The following CIMAP1D variants were observed in gnomAD, a reference collection of about 807,000 sequenced individuals.
The protein encoded by CIMAP1D is protein CIMAP1D.
the CIMAP1D span, among the ~76,000 whole-genome samples, chr19:483,797 ACT>A: frequency 6.6e-6 from 1 of 152,084 alleles, no homozygotes; most frequent in African/African-American, 2.4e-5. Flanking sequence ...TGGGATCAAC[ACT>A]GTGTCCCCAG....
chr19:463,766 T>C, the CIMAP1D span: 1 of 1,527,126 alleles, frequency 6.5e-7, no homozygotes, highest in African/African-American at 1.4e-5. Flanking sequence ...CCTCTCGCCT[T>C]CTAGCCCCTC....
the CIMAP1D span, among the ~76,000 whole-genome samples, chr19:488,596 G>C: frequency 6.6e-6 from 1 of 152,174 alleles, no homozygotes; most frequent in South Asian, 2.1e-4. Context: ...TGACGTCCGG[G>C]TACCCCCAAC....
At chr19:473,102 G>A in the CIMAP1D span, among the ~76,000 whole-genome samples, 3 of 125,568 alleles carry the variant, frequency 2.4e-5, no homozygotes, top group Admixed American at 9.1e-5. Flanking sequence ...AGAGATACAC[G>A]GTCACAGATC....
At chr19:481,288 A>T in the CIMAP1D span, among the ~76,000 whole-genome samples, 326 of 138,818 alleles carry the variant, frequency 2.3e-3, no homozygotes, top group Admixed American at 3.7e-3. Flanking sequence ...GTATGATGGG[A>T]AGGATGATGG....
chr19:485,194 GT>G, the CIMAP1D span, among the ~76,000 whole-genome samples: 4 of 152,140 alleles, frequency 2.6e-5, no homozygotes, highest in African/African-American at 9.7e-5. Flanking sequence ...GCTCTACCAC[GT>G]AACACACGTA....
the CIMAP1D span, chr19:464,172 G>A: frequency 6.6e-7 from 1 of 1,507,300 alleles, no homozygotes; most frequent in Non-Finnish European, 8.9e-7. Context: ...CGTGTAGCTG[G>A]GGCTGCTGGG....
chr19:483,130 C>T, the CIMAP1D span, among the ~76,000 whole-genome samples: 7 of 152,146 alleles, frequency 4.6e-5, no homozygotes, highest in African/African-American at 1.7e-4. Flanking sequence ...CAGCAAATGG[C>T]ACCTCCAGAC....
At chr19:488,173 G>A in the CIMAP1D span, among the ~76,000 whole-genome samples, 1 of 152,006 alleles carries the variant, frequency 6.6e-6, no homozygotes, top group African/African-American at 2.4e-5. Context: ...TCTCTAACTG[G>A]GTGTCTGAGG....
At chr19:489,058 G>A in the CIMAP1D span, 5,835 of 152,200 alleles carry the variant, frequency 0.038, 264 homozygotes, top group East Asian at 0.22. Flanking sequence ...CACACGCCCC[G>A]GCGCCCCGCG....
the CIMAP1D span, chr19:489,908 C>G: frequency 1.3e-5 from 5 of 394,508 alleles, no homozygotes; most frequent in Non-Finnish European, 4.5e-6. Flanking sequence ...CTGCCTGAAC[C>G]CCGACCCAGG....
chr19:474,926 T>C, the CIMAP1D span: 1 of 489,052 alleles, frequency 2.0e-6, no homozygotes, highest in Non-Finnish European at 3.4e-6. Flanking sequence ...CGTGGGGCCC[T>C]GGCCCAAGGC....
chr19:488,974 C>T, the CIMAP1D span, among the ~76,000 whole-genome samples: 1 of 152,062 alleles, frequency 6.6e-6, no homozygotes, highest in Non-Finnish European at 1.5e-5. Context: ...CCGCCCCAAG[C>T]CCGCATCAGC....
At chr19:463,642 A>G in the CIMAP1D span, 14 of 751,180 alleles carry the variant, frequency 1.9e-5, no homozygotes, top group Non-Finnish European at 2.7e-5. Context: ...AAGGAGACTC[A>G]CCCTGCACCC....
chr19:488,802 C>T, the CIMAP1D span, among the ~76,000 whole-genome samples: 1 of 152,218 alleles, frequency 6.6e-6, no homozygotes, highest in Admixed American at 6.5e-5. Flanking sequence ...CTTGGGCGAA[C>T]GGCCAGGCCT....
At chr19:474,140 C>A in the CIMAP1D span, among the ~76,000 whole-genome samples, 1 of 152,292 alleles carries the variant, frequency 6.6e-6, no homozygotes, top group Non-Finnish European at 1.5e-5. Context: ...GCCCGAGGAC[C>A]TGGCTTGGGG....
At chr19:487,548 T>A in the CIMAP1D span, among the ~76,000 whole-genome samples, 1 of 152,170 alleles carries the variant, frequency 6.6e-6, no homozygotes, top group South Asian at 2.1e-4. Flanking sequence ...CGTGTGCCTG[T>A]GGTCCCAACA....
the CIMAP1D span, chr19:463,581 C>T: frequency 1.9e-6 from 1 of 535,022 alleles, no homozygotes; most frequent in Non-Finnish European, 3.2e-6. Flanking sequence ...GTCCCTTTCC[C>T]CACCTGGCCT....
At chr19:487,501 C>T in the CIMAP1D span, among the ~76,000 whole-genome samples, 1 of 152,208 alleles carries the variant, frequency 6.6e-6, no homozygotes, top group East Asian at 1.9e-4. Flanking sequence ...TGGCATACAG[C>T]AGGCACTCAA....
At chr19:474,193 G>A in the CIMAP1D span, among the ~76,000 whole-genome samples, 9 of 152,300 alleles carry the variant, frequency 5.9e-5, no homozygotes, top group South Asian at 2.1e-4. Flanking sequence ...ACTGCGGCCC[G>A]TCCTGGGCCC....
Sources: allele counts gnomAD v4.1 joint callset (sites outside exome capture counted in the v4.1 genomes callset), GRCh38; gene constraint gnomAD v4.1.1; transcripts MANE v1.5; gene names NCBI Gene and HGNC (gene_info 2026-07-23, HGNC 2026-07-21).